Variants in TEX11 observed in about 807,000 individuals in gnomAD.
TEX11 encodes testis expressed 11, also known as testis-expressed protein 11.
TEX11 carries 7 observed loss-of-function variants against 84.4 expected under a neutral mutation model. The observed-to-expected ratio is 0.08, with a 90% CI of 0.05 to 0.16. The LOEUF (loss-of-function observed/expected upper bound fraction) is 0.16, where lower values mean the gene tolerates loss of function less well. Ranked by LOEUF, TEX11 falls within the 10% of genes least tolerant of loss-of-function variation. The pLI is 1.00. For synonymous variants in TEX11, 264 were observed against 222.8 expected, an observed-to-expected ratio of 1.18 and a Z score of -1.64; for missense variants, 551 against 660.5, an observed-to-expected ratio of 0.83 and a Z score of 1.82.
chrX:70,599,603 C>A (rs1207523074), intron 24 of TEX11, among the ~76,000 whole-genome samples: 1 of 108,775 alleles, frequency 9.2e-6, no homozygotes. Context: ...ATGTGCCATG[C>A]TGGTGCGCTG....
chrX:70,841,469 A>C (rs1280613118), intron 7 of TEX11, among the ~76,000 whole-genome samples: 1 of 111,200 alleles, frequency 9.0e-6, no homozygotes, highest in Non-Finnish European at 1.9e-5. Context: ...TCTCTGGGAC[A>C]CATTCAAAGC....
At chrX:70,524,919 A>C (rs1380282781), downstream of TEX11, among the ~76,000 whole-genome samples, 1 of 112,241 alleles carries the variant, frequency 8.9e-6, no homozygotes, top group African/African-American at 3.2e-5. Context: ...CATGCCTGCA[A>C]TCCTAACATT....
At chrX:70,791,141 G>A (rs1433385128) in intron 9 of TEX11, among the ~76,000 whole-genome samples, 2 of 110,676 alleles carry the variant, frequency 1.8e-5, no homozygotes, top group Non-Finnish European at 3.8e-5. Context: ...CACATGTAAT[G>A]ACACCTACAG....
intron 17 of TEX11, among the ~76,000 whole-genome samples, chrX:70,639,123 G>C (rs1049362704): frequency 7.1e-5 from 8 of 111,949 alleles, no homozygotes; most frequent in Non-Finnish European, 1.5e-4. Flanking sequence ...CAAGGGGTCA[G>C]GGAGTTCCCT....
At chrX:70,523,288 G>A in the TEX11 span, among the ~76,000 whole-genome samples, 1 of 109,949 alleles carries the variant, frequency 9.1e-6, no homozygotes, top group African/African-American at 3.3e-5. Context: ...ATTGGCAAGA[G>A]GCAACTGGGG....
chrX:70,705,127 A>G (rs1160786987), intron 13 of TEX11, among the ~76,000 whole-genome samples: 1 of 111,178 alleles, frequency 9.0e-6, no homozygotes, highest in African/African-American at 3.3e-5. Context: ...ATTATTTCTG[A>G]GGCCTCTGTT....
At chrX:70,592,484 A>G (rs1328553542) in intron 24 of TEX11, among the ~76,000 whole-genome samples, 1 of 110,653 alleles carries the variant, frequency 9.0e-6, no homozygotes, top group East Asian at 2.8e-4. Context: ...GAGGCCTAGA[A>G]CTCTCTTTCT....
intron 16 of TEX11, among the ~76,000 whole-genome samples, chrX:70,662,997 A>C (rs973335734): frequency 1.8e-5 from 2 of 111,992 alleles, no homozygotes. Context: ...TTTTGTATGT[A>C]AATTATATTT....
chrX:70,850,970 A>G (rs1219405758), intron 7 of TEX11, among the ~76,000 whole-genome samples: 1 of 112,190 alleles, frequency 8.9e-6, no homozygotes, highest in Non-Finnish European at 1.9e-5. Flanking sequence ...ATGAAAAGAC[A>G]TCCCATGTTC....
At chrX:70,800,687 C>CTTT (rs60458912) in intron 9 of TEX11, among the ~76,000 whole-genome samples, 3 of 62,309 alleles carry the variant, frequency 4.8e-5, no homozygotes, top group Non-Finnish European at 6.4e-5. Context: ...ATTTCATGTG[C>CTTT]TTTTTTTTTT....
chrX:70,646,094 TAGAG>T (rs912920660), intron 17 of TEX11, among the ~76,000 whole-genome samples: 4 of 111,001 alleles, frequency 3.6e-5, no homozygotes, highest in African/African-American at 1.3e-4. Context: ...TGGAAGGAAA[TAGAG>T]AGCCCAGAAA....
chrX:70,591,644 G>T (rs1370258658), intron 25 of TEX11, 107 bp downstream of exon 25: 2 of 514,763 alleles, frequency 3.9e-6, no homozygotes, highest in Admixed American at 3.6e-5. Context: ...ACATTTGACT[G>T]GTTATCAAGT....
chrX:70,663,617 A>G (rs1265649279), intron 16 of TEX11, among the ~76,000 whole-genome samples: 1 of 111,270 alleles, frequency 9.0e-6, no homozygotes, highest in Non-Finnish European at 1.9e-5. Context: ...ATCCAATACA[A>G]TACAGATGCT....
At chrX:70,845,196 C>A (rs955028440) in intron 7 of TEX11, among the ~76,000 whole-genome samples, 1 of 110,941 alleles carries the variant, frequency 9.0e-6, no homozygotes, top group African/African-American at 3.3e-5. Context: ...GGGAATCTCA[C>A]TGTCACCCAG....
At chrX:70,713,759 G>T (rs1306981525) in intron 13 of TEX11, among the ~76,000 whole-genome samples, 14 of 110,291 alleles carry the variant, frequency 1.3e-4, no homozygotes, top group Non-Finnish European at 2.1e-4. Context: ...GATTCATTGA[G>T]TTTTTGAAGG....
intron 3 of TEX11, among the ~76,000 whole-genome samples, chrX:70,874,592 G>T (rs773396118): frequency 1.1e-4 from 12 of 106,549 alleles, no homozygotes; most frequent in African/African-American, 4.1e-4. Context: ...ACTTGAGATG[G>T]GGTTTCACCA....
At chrX:70,897,687 G>GAAA (rs777694455) in intron 2 of TEX11, 4 of 33,847 alleles carry the variant, frequency 1.2e-4, no homozygotes, top group African/African-American at 3.2e-4. Flanking sequence ...GAAAAAGAAA[G>GAAA]AAAGAAAGAA....
chrX:70,513,746 G>A, the TEX11 span, among the ~76,000 whole-genome samples: 1 of 108,354 alleles, frequency 9.2e-6, no homozygotes, highest in Non-Finnish European at 1.9e-5. Context: ...GCTAAGGACA[G>A]AGTTCTCTAT....
rs1382625344 is a variant in TEX11 at position 70,532,834 on chromosome X, C to G, written c.2521-2835G>C. On this transcript the variant is annotated intron_variant, in intron 28 of 29. Coordinates refer to ENST00000374333, the MANE Select transcript of TEX11 (RefSeq NM_031276.3). ...CAGGCAGATCACGAGGTCAGGAGATCAAGAACATCTTGGCTAACATGGTGA... is the reference window on the plus strand; with the variant it reads ...CAGGCAGATCACGAGGTCAGGAGATGAAGAACATCTTGGCTAACATGGTGA... Among the ~76,000 whole-genome samples the G allele has an allele frequency of 3.6e-5, 4 of 110,979 alleles. No homozygotes were observed. The East Asian group carries it at 1.1e-3, about 31-fold the overall frequency.
Sources: gnomAD v4.1 joint callset for allele counts (sites outside exome capture counted in the v4.1 genomes callset) on GRCh38, gnomAD v4.1.1 for gene constraint, MANE v1.5 for transcripts, NCBI Gene and HGNC (gene_info 2026-07-23, HGNC 2026-07-21) for gene names.